The following YIPF7 variants were observed in gnomAD, a reference collection of about 807,000 sequenced individuals.
The protein encoded by YIPF7 is protein YIPF7.
In YIPF7, 35 loss-of-function variants were observed where a neutral mutation model predicts 27.2. That is an observed-to-expected ratio of 1.29 (90% CI 0.98 to 1.70). The LOEUF (loss-of-function observed/expected upper bound fraction) is 1.70. Ranked by LOEUF, YIPF7 falls within the 40% of genes most tolerant of loss-of-function variation. The pLI, the probability that YIPF7 is intolerant of heterozygous loss-of-function variation, is 0.00. For missense variants in YIPF7, 358 were observed against 303.7 expected (o/e 1.18, Z -1.33); for synonymous variants, 137 against 110.4 (o/e 1.24, Z -1.51).
intron 1 of YIPF7, among the ~76,000 whole-genome samples, chr4:44,662,069 A>T (rs1483479395): frequency 2.0e-5 from 3 of 152,218 alleles, no homozygotes; most frequent in African/African-American, 7.2e-5. Context: ...TTGTTACATT[A>T]TACCAACTGT....
chr4:44,628,724 CT>C (rs1200993892), intron 4 of YIPF7, among the ~76,000 whole-genome samples: 1 of 151,946 alleles, frequency 6.6e-6, no homozygotes, highest in Non-Finnish European at 1.5e-5. Context: ...TTAAACTTTA[CT>C]TAGGTGGAAG....
intron 2 of YIPF7, among the ~76,000 whole-genome samples, chr4:44,657,389 C>A (rs959094977): frequency 6.6e-6 from 1 of 152,102 alleles, no homozygotes; most frequent in African/African-American, 2.4e-5. Flanking sequence ...TAAGGTATAG[C>A]ATGACAAAAT....
rs1267429241 is a variant in YIPF7, at chr4:44,660,120, A to AAAAAAAAAAAAAAAAC, written c.-2+328_-2+329insGTTTTTTTTTTTTTTT. On this transcript the variant is annotated intron_variant, in intron 2 of 2. Coordinates refer to the YIPF7 transcript ENST00000508947. ...CAGAGCAAGACTCTGTCTCAAAAAAAAAAAAAAAAAAAAAAACGAACCTTA... is the reference window on the plus strand; with the variant it reads ...CAGAGCAAGACTCTGTCTCAAAAAAAAAAAAAAAAAAAAAACAAAAAAAAAAAAAAAACGAACCTTA... 3.5e-5 allele frequency among the ~76,000 whole-genome samples: 5 copies of AAAAAAAAAAAAAAAAC among 144,766 alleles called. 2 individuals carry two copies. The highest frequency in any genetic ancestry group is 7.6e-5 in the Non-Finnish European group (5 of 65,368). The allele number at this position is 144,766 out of a possible 152,430, so 95.0% of individuals were successfully genotyped here.
At chr4:44,660,061 C>T (rs73177688) in intron 2 of YIPF7, among the ~76,000 whole-genome samples, 74,915 of 132,748 alleles carry the variant, frequency 0.56, 21,000 homozygotes, top group Non-Finnish European at 0.64. Flanking sequence ...TTGCAGTGAG[C>T]GGAGATTGCG....
chr4:44,647,594 T>C (rs2109598333), intron 2 of YIPF7, among the ~76,000 whole-genome samples: 1 of 152,288 alleles, frequency 6.6e-6, no homozygotes, highest in African/African-American at 2.4e-5. Context: ...CTGTTTTTTT[T>C]CACCTTCCAA....
intron 2 of YIPF7, among the ~76,000 whole-genome samples, chr4:44,641,635 A>G (rs1442512155): frequency 6.6e-6 from 1 of 152,302 alleles, no homozygotes; most frequent in East Asian, 1.9e-4. Context: ...TCGAATGTTA[A>G]TCTTAATATG....
intron 2 of YIPF7, among the ~76,000 whole-genome samples, chr4:44,646,447 A>C (rs1279606842): frequency 6.6e-6 from 1 of 152,204 alleles, no homozygotes. Flanking sequence ...TTACCTGTTA[A>C]GGTCCTACCA....
At chr4:44,623,765 A>G (rs1202898800) in intron 5 of YIPF7, among the ~76,000 whole-genome samples, 1 of 152,206 alleles carries the variant, frequency 6.6e-6, no homozygotes, top group African/African-American at 2.4e-5. Context: ...TAAGGAAGAA[A>G]AAAGAAAAAA....
intron 3 of YIPF7, among the ~76,000 whole-genome samples, chr4:44,633,045 A>C (rs1712976847): frequency 6.6e-6 from 1 of 152,112 alleles, no homozygotes; most frequent in African/African-American, 2.4e-5. Flanking sequence ...TTCTCATAGG[A>C]GCGTGAACCC....
At chr4:44,624,469 T>C in intron 5 of YIPF7, 132 bp downstream of exon 5, 1 of 1,026,118 alleles carries the variant, frequency 9.7e-7, no homozygotes, top group Admixed American at 3.3e-5. Flanking sequence ...AATCTATGAG[T>C]AGCTTTTAAT....
Position 44,626,763 on chromosome 4 carries a change from C to CTTTTTTTTTTTTTT in YIPF7, c.427-1995_427-1982dup, listed in dbSNP as rs71190269. Among the ~76,000 whole-genome samples, 155 of 69,778 alleles carry CTTTTTTTTTTTTTT rather than the reference C, an allele frequency of 2.2e-3. 43 individuals carry two copies. The highest frequency in any genetic ancestry group is 4.4e-3 in the Admixed American group (18 of 4,094). 45.8% of individuals were successfully genotyped at this position (69,778 alleles called of 152,430 possible). On this transcript the variant is annotated intron_variant, in intron 4 of 5. Coordinates refer to ENST00000415895, the MANE Select transcript of YIPF7 (RefSeq NM_182592.3). ...CCCTATTCCATCCTCATTAGCACAT[C>CTTTTTTTTTTTTTT]TTTTTTTTTTTTTTTTTTTTTTTTT...
chr4:44,636,202 GA>G, intron 2 of YIPF7, 117 bp from the exon 3 acceptor site: 1 of 1,058,010 alleles, frequency 9.5e-7, no homozygotes, highest in Non-Finnish European at 1.3e-6. Flanking sequence ...ATTTACTCAT[GA>G]AAGAAACAAC....
chr4:44,650,504 C>T (rs565722594), intron 1 of YIPF7, among the ~76,000 whole-genome samples: 14 of 84,002 alleles, frequency 1.7e-4, no homozygotes, highest in East Asian at 5.6e-4. Flanking sequence ...TGCGCGCGCG[C>T]GCGCACACAC....
rs1446690458 is a variant in YIPF7, at chr4:44,650,005, T to C, written c.96A>G (p.Gly32=). The change falls in exon 2 of 6, where the codon GGA becomes GGG. Residue 32 remains glycine (G), a synonymous_variant. Transcript: ENST00000415895. ...CTTACTTTCTAGATCCATAAAGATT[T>C]CCATAGGCATTAGAGTCATTACCAC... ...EQSGNDSNAY[G]NLYGSRKQQA... 1.9e-6 allele frequency: 3 copies of C among 1,563,696 alleles called. No individual in the cohort carries two copies. Among genetic ancestry groups the C allele is most frequent in the Non-Finnish European group, 2.6e-6 (3 of 1,151,176 alleles).
upstream of YIPF7, among the ~76,000 whole-genome samples, chr4:44,655,474 C>CT (rs1307765395): frequency 6.6e-6 from 1 of 151,918 alleles, no homozygotes; most frequent in Non-Finnish European, 1.5e-5. Flanking sequence ...ATGAATGTAC[C>CT]TATTTAGGAA....
Position 44,651,569 on chromosome 4 carries a change from A to G in YIPF7, c.-17T>C, listed in dbSNP as rs1248916276. The G allele has an allele frequency of 1.3e-6, 2 of 1,581,208 alleles. No homozygotes were observed. Among genetic ancestry groups the G allele is most frequent in the Non-Finnish European group, 8.6e-7 (1 of 1,162,684 alleles). On this transcript the variant is annotated 5_prime_UTR_variant, in exon 1 of 6. Transcript: ENST00000415895. Reference sequence around the variant, plus strand: ...AGACACATACCTCTGTTTATTTTTTATAGAAAGATCCTCCAGTAAATGTAG... The same window carrying G: ...AGACACATACCTCTGTTTATTTTTTGTAGAAAGATCCTCCAGTAAATGTAG...
At chr4:44,639,163 G>A (rs1713240606) in intron 2 of YIPF7, among the ~76,000 whole-genome samples, 1 of 151,982 alleles carries the variant, frequency 6.6e-6, no homozygotes, top group Non-Finnish European at 1.5e-5. Context: ...GAATTGCTTT[G>A]GCTATTCAGG....
intron 2 of YIPF7, among the ~76,000 whole-genome samples, chr4:44,639,693 C>A (rs187420351): frequency 4.3e-4 from 66 of 152,058 alleles, no homozygotes; most frequent in African/African-American, 1.5e-3. Flanking sequence ...TCTCTCTTGC[C>A]TGATTTCTCT....
chr4:44,622,802 A>G (rs1181911259), intron 5 of YIPF7, among the ~76,000 whole-genome samples: 1 of 152,232 alleles, frequency 6.6e-6, no homozygotes, highest in Admixed American at 6.5e-5. Flanking sequence ...CTGAATTAGA[A>G]AAAAACAGTA....
Sources: allele counts gnomAD v4.1 joint callset (sites outside exome capture counted in the v4.1 genomes callset), GRCh38; gene constraint gnomAD v4.1.1; transcripts MANE v1.5; gene names NCBI Gene and HGNC (gene_info 2026-07-23, HGNC 2026-07-21).